Variants in ADAM23 observed in about 807,000 individuals in gnomAD.
The protein encoded by ADAM23 is disintegrin and metalloproteinase domain-containing protein 23.
ADAM23 carries 33 observed loss-of-function variants against 120.1 expected under a neutral mutation model. The ratio of observed to expected loss-of-function variants is 0.27; its 90% confidence interval spans 0.21 to 0.37. The LOEUF is 0.37. Ranked by LOEUF, ADAM23 falls within the 10% of genes least tolerant of loss-of-function variation. The pLI is 1.00. For missense variants in ADAM23, 862 were observed against 1,058.2 expected (o/e 0.81, Z 2.57); for synonymous variants, 367 against 375.2 (o/e 0.98, Z 0.25).
At chr2:206,528,948 G>T (rs1288238366) in intron 3 of ADAM23, among the ~76,000 whole-genome samples, 1 of 152,168 alleles carries the variant, frequency 6.6e-6, no homozygotes. Flanking sequence ...TAAGTGGTCA[G>T]CAAATGCGAG....
chr2:206,508,867 A>G (rs1327653270), intron 3 of ADAM23, among the ~76,000 whole-genome samples: 1 of 152,098 alleles, frequency 6.6e-6, no homozygotes, highest in African/African-American at 2.4e-5. Flanking sequence ...ACTTGTAACA[A>G]ACGCACCTTA....
At chr2:206,569,842 T>C (rs745465564) in intron 15 of ADAM23, among the ~76,000 whole-genome samples, 1 of 152,184 alleles carries the variant, frequency 6.6e-6, no homozygotes, top group African/African-American at 2.4e-5. Flanking sequence ...CAGGTGAATT[T>C]AGTGGAAGGC....
At chr2:206,533,652 T>C (rs772946115) in intron 4 of ADAM23, among the ~76,000 whole-genome samples, 1 of 152,236 alleles carries the variant, frequency 6.6e-6, no homozygotes, top group Non-Finnish European at 1.5e-5. Flanking sequence ...CAGGAATTAG[T>C]TGCAACCATA....
intron 3 of ADAM23, among the ~76,000 whole-genome samples, chr2:206,508,650 G>C (rs1018612552): frequency 1.8e-5 from 2 of 113,568 alleles, no homozygotes; most frequent in Admixed American, 1.1e-4. Context: ...CTGAGACTCT[G>C]TCTCCAAAAA....
chr2:206,494,898 G>C (rs1370674501), intron 3 of ADAM23, among the ~76,000 whole-genome samples: 1 of 152,176 alleles, frequency 6.6e-6, no homozygotes, highest in African/African-American at 2.4e-5. Context: ...AAGGGTATCA[G>C]CGATGGAAGA....
Sources: gnomAD v4.1 joint callset for allele counts (sites outside exome capture counted in the v4.1 genomes callset) on GRCh38, gnomAD v4.1.1 for gene constraint, MANE v1.5 for transcripts, NCBI Gene and HGNC (gene_info 2026-07-23, HGNC 2026-07-21) for gene names.